EXOC2: variants seen among roughly 807,000 people sequenced by gnomAD.
The protein encoded by EXOC2 is exocyst complex component 2, also known as SEC5-like 1.
A neutral mutation model predicts 131.8 loss-of-function variants in EXOC2; 70 were observed. The observed-to-expected ratio is 0.53, with a 90% CI of 0.44 to 0.65. The LOEUF is 0.65. Among genes scored for constraint, EXOC2 ranks in the 30% least tolerant of loss-of-function variants. The pLI, the probability that EXOC2 is intolerant of heterozygous loss-of-function variation, is 0.00. For missense variants in EXOC2, 923 were observed against 1,108.6 expected, an observed-to-expected ratio of 0.83 and a Z score of 2.38; for synonymous variants, 411 against 398.4, an observed-to-expected ratio of 1.03 and a Z score of -0.38.
intron 1 of EXOC2, among the ~76,000 whole-genome samples, chr6:642,657 G>C (rs925919888): frequency 6.6e-6 from 1 of 152,012 alleles, no homozygotes; most frequent in African/African-American, 2.4e-5. Flanking sequence ...ATAAACAGAT[G>C]GTTGTTCTAA....
In EXOC2 at chr6:670,769, T is replaced by A. The variant is rs534131334; in HGVS notation, c.-44+22250A>T. On this transcript the variant is annotated intron_variant, in intron 1 of 27. Transcript: ENST00000230449. ...AAATGTTCTGTTGCATAAGACACAATAAGGTAATTATTAACATCTATAGAG... is the reference window on the plus strand; with the variant it reads ...AAATGTTCTGTTGCATAAGACACAAAAAGGTAATTATTAACATCTATAGAG... 1.2e-4 allele frequency among the ~76,000 whole-genome samples: 19 copies of A among 152,244 alleles called. No homozygotes were observed. The South Asian group carries it at 3.9e-3, about 32-fold the overall frequency.
At chr6:562,275 C>T (rs1200447472) in intron 17 of EXOC2, among the ~76,000 whole-genome samples, 1 of 152,122 alleles carries the variant, frequency 6.6e-6, no homozygotes, top group Non-Finnish European at 1.5e-5. Flanking sequence ...ACCCGTGAGA[C>T]AAGTGTGAAA....
intron 25 of EXOC2, among the ~76,000 whole-genome samples, chr6:496,265 A>C (rs1339582290): frequency 6.6e-6 from 1 of 152,254 alleles, no homozygotes; most frequent in African/African-American, 2.4e-5. Flanking sequence ...ATTAAATTTG[A>C]ATTCAATTAA....
At chr6:555,878 G>T in intron 19 of EXOC2, 76 bp downstream of exon 19, 2 of 1,413,860 alleles carry the variant, frequency 1.4e-6, no homozygotes, top group South Asian at 1.2e-5. Flanking sequence ...GTCATCTGCA[G>T]ATTATAAATA....
intron 11 of EXOC2, among the ~76,000 whole-genome samples, chr6:589,551 T>C (rs1759417658): frequency 6.6e-6 from 1 of 152,210 alleles, no homozygotes; most frequent in African/African-American, 2.4e-5. Flanking sequence ...TACTCCCCAC[T>C]ACCTCACACT....
intron 1 of EXOC2, among the ~76,000 whole-genome samples, chr6:692,197 G>T (rs992736972): frequency 3.9e-5 from 6 of 152,242 alleles, no homozygotes; most frequent in Non-Finnish European, 8.8e-5. Flanking sequence ...TTTACTCACA[G>T]ATTCATAAAG....
At position 549,765 on chromosome 6, in the gene EXOC2, A is replaced by G. The variant is rs1367691920; in HGVS notation, c.2122-474T>C. ...ACCTGGAACAGAATTACACTGCCATATATCTGTATGATGGGCTCCTTTAAA... is the reference window on the plus strand; with the variant it reads ...ACCTGGAACAGAATTACACTGCCATGTATCTGTATGATGGGCTCCTTTAAA... On this transcript the variant is annotated intron_variant, in intron 21 of 27. Coordinates refer to ENST00000230449, the MANE Select transcript of EXOC2 (RefSeq NM_018303.6). Among the ~76,000 whole-genome samples the G allele has an allele frequency of 7.2e-5, 11 of 152,364 alleles. No individual in the cohort carries two copies. The East Asian group carries it at 1.5e-3, about 21-fold the overall frequency.
chr6:682,020 A>ATT lies in EXOC2; in HGVS notation c.-44+10997_-44+10998dup, dbSNP rs547799523. 2.5e-3 allele frequency among the ~76,000 whole-genome samples: 382 copies of ATT among 152,290 alleles called. 2 individuals are homozygous for ATT. The highest frequency in any genetic ancestry group is 8.8e-3 in the African/African-American group (367 of 41,574). On this transcript the variant is annotated intron_variant, in intron 1 of 27. Transcript: ENST00000230449. ...TTATTCATTTAGAGTTCTACATCGA[A>ATT]TTTTAAACAACCAATTAGCACCGGC...
At chr6:597,122 T>G (rs999856813) in intron 10 of EXOC2, among the ~76,000 whole-genome samples, 1 of 152,170 alleles carries the variant, frequency 6.6e-6, no homozygotes, top group African/African-American at 2.4e-5. Context: ...TGATACTGTT[T>G]CTCTCTAAGG....
At chr6:625,518 CTT>C (rs796295514) in intron 4 of EXOC2, among the ~76,000 whole-genome samples, 2 of 108,058 alleles carry the variant, frequency 1.9e-5, no homozygotes, top group African/African-American at 6.5e-5. Flanking sequence ...TGTTTCCGTT[CTT>C]TTTTTTTTTT....
chr6:669,456 G>C (rs1185240699), intron 1 of EXOC2: 3 of 152,818 alleles, frequency 2.0e-5, no homozygotes, highest in Admixed American at 6.5e-5. Flanking sequence ...TGGGTGGAGG[G>C]GGAGGCCACA....
chr6:488,839 A>G, intron 27 of EXOC2, 140 bp downstream of exon 27: 1 of 781,238 alleles, frequency 1.3e-6, no homozygotes, highest in Non-Finnish European at 2.0e-6. Context: ...GCTATTAAGT[A>G]GGTATATCTG....
chr6:492,632 A>G (rs769236030), intron 25 of EXOC2, among the ~76,000 whole-genome samples: 29 of 152,226 alleles, frequency 1.9e-4, no homozygotes, highest in Non-Finnish European at 4.0e-4. Flanking sequence ...ACGCTACATG[A>G]AAGAAGCCAG....
chr6:522,435 G>C (rs567042384), intron 23 of EXOC2, among the ~76,000 whole-genome samples: 1 of 149,306 alleles, frequency 6.7e-6, no homozygotes, highest in Admixed American at 6.7e-5. Context: ...GATGGGGACA[G>C]CAAGGTGTCT....
At chr6:637,942 T>C in intron 1 of EXOC2, 81 bp from the exon 2 acceptor site, 2 of 884,480 alleles carry the variant, frequency 2.3e-6, no homozygotes, top group South Asian at 3.1e-5. Flanking sequence ...AGACAGTCAG[T>C]ACCAAAATAT....
chr6:523,337 G>A (rs762556576), intron 23 of EXOC2, among the ~76,000 whole-genome samples: 6 of 152,340 alleles, frequency 3.9e-5, no homozygotes, highest in East Asian at 3.9e-4. Context: ...AACGCAGTGC[G>A]TCCACCTCCT....
At chr6:660,829 C>G (rs1036683383) in intron 1 of EXOC2, among the ~76,000 whole-genome samples, 1 of 152,018 alleles carries the variant, frequency 6.6e-6, no homozygotes, top group African/African-American at 2.4e-5. Context: ...AAAAAAAATT[C>G]AGGAGGTTAG....
At chr6:509,673 T>A (rs1177246589) in intron 23 of EXOC2, among the ~76,000 whole-genome samples, 1 of 152,248 alleles carries the variant, frequency 6.6e-6, no homozygotes, top group Non-Finnish European at 1.5e-5. Flanking sequence ...GAACGTGTTG[T>A]AATTACAATA....
chr6:674,899 C>T (rs1415786821), intron 1 of EXOC2, among the ~76,000 whole-genome samples: 1 of 152,078 alleles, frequency 6.6e-6, no homozygotes, highest in Non-Finnish European at 1.5e-5. Context: ...CTGCCCCCAG[C>T]CCTACATACC....
Sources: allele counts gnomAD v4.1 joint callset (sites outside exome capture counted in the v4.1 genomes callset), GRCh38; gene constraint gnomAD v4.1.1; transcripts MANE v1.5; gene names NCBI Gene and HGNC (gene_info 2026-07-23, HGNC 2026-07-21).